NRXN3: variants seen among roughly 807,000 people sequenced by gnomAD.
NRXN3 encodes neurexin 3.
A neutral mutation model predicts 137.6 loss-of-function variants in NRXN3; 32 were observed. The observed-to-expected ratio is 0.23, with a 90% CI of 0.18 to 0.31. The LOEUF is 0.31. Among genes scored for constraint, NRXN3 ranks in the 10% least tolerant of loss-of-function variants. The probability of loss-of-function intolerance (pLI) is 1.00; values close to 1 mark genes in which losing one functional copy is unlikely to be tolerated. For missense variants in NRXN3, 1,574 were observed against 2,062.5 expected (o/e 0.76, Z 4.59); for synonymous variants, 798 against 784.5 (o/e 1.02, Z -0.29).
intron 19 of NRXN3, among the ~76,000 whole-genome samples, chr14:79,776,144 T>G (rs990191959): frequency 1.3e-5 from 2 of 152,204 alleles, no homozygotes; most frequent in Non-Finnish European, 2.9e-5. Context: ...TACAGCTTTC[T>G]CTGAGTTAAT....
At chr14:78,327,577 G>T (rs187735906) in intron 4 of NRXN3, among the ~76,000 whole-genome samples, 70 of 152,192 alleles carry the variant, frequency 4.6e-4, no homozygotes, top group Non-Finnish European at 9.0e-4. Flanking sequence ...AGGGATTTTT[G>T]TTGTTGTTTG....
chr14:78,418,061 G>T (rs371419148), intron 4 of NRXN3, among the ~76,000 whole-genome samples: 1 of 152,156 alleles, frequency 6.6e-6, no homozygotes, highest in Non-Finnish European at 1.5e-5. Flanking sequence ...CTGGCCTGAG[G>T]TTGCATATTT....
At chr14:79,605,117 G>A (rs908044208) in intron 16 of NRXN3, among the ~76,000 whole-genome samples, 12 of 152,074 alleles carry the variant, frequency 7.9e-5, no homozygotes, top group African/African-American at 1.9e-4. Context: ...ATCTTTCCTC[G>A]TGTTCATGAT....
intron 6 of NRXN3, among the ~76,000 whole-genome samples, chr14:78,668,930 ATCTG>A (rs58936637): frequency 4.8e-4 from 71 of 149,390 alleles, no homozygotes; most frequent in Non-Finnish European, 7.8e-4. Context: ...CTATCTATCT[ATCTG>A]TCTGTCTGTC....
At chr14:79,331,065 CT>C (rs1471452481) in intron 15 of NRXN3, among the ~76,000 whole-genome samples, 1 of 152,140 alleles carries the variant, frequency 6.6e-6, no homozygotes, top group Non-Finnish European at 1.5e-5. Context: ...TGACTGTTTC[CT>C]TTACAGATGC....
intron 4 of NRXN3, among the ~76,000 whole-genome samples, chr14:78,371,922 C>A (rs747110275): frequency 9.9e-5 from 15 of 152,150 alleles, no homozygotes; most frequent in Non-Finnish European, 1.9e-4. Context: ...CTAGTATTAT[C>A]CCCATTTTAC....
chr14:78,890,446 T>C (rs1240172783), intron 10 of NRXN3, among the ~76,000 whole-genome samples: 1 of 151,884 alleles, frequency 6.6e-6, no homozygotes, highest in African/African-American at 2.4e-5. Context: ...TAACATCCCA[T>C]GCAAAGGTTT....
chr14:79,541,501 C>G (rs1418257328), intron 16 of NRXN3, among the ~76,000 whole-genome samples: 1 of 152,112 alleles, frequency 6.6e-6, no homozygotes, highest in Non-Finnish European at 1.5e-5. Context: ...TGCAAAGACT[C>G]TTTTTTCAAA....
At chr14:79,131,467 G>A (rs1199646059) in intron 15 of NRXN3, among the ~76,000 whole-genome samples, 3 of 152,158 alleles carry the variant, frequency 2.0e-5, no homozygotes, top group African/African-American at 7.2e-5. Flanking sequence ...CCTGCTGGGG[G>A]GTGCCTCCCA....
chr14:78,722,420 G>T (rs2098464318), intron 8 of NRXN3, among the ~76,000 whole-genome samples: 1 of 152,214 alleles, frequency 6.6e-6, no homozygotes, highest in Non-Finnish European at 1.5e-5. Flanking sequence ...TAATTGAAAT[G>T]CTGCTAAATT....
intron 6 of NRXN3, among the ~76,000 whole-genome samples, chr14:78,653,426 G>A (rs574406789): frequency 5.0e-4 from 76 of 152,296 alleles, no homozygotes; most frequent in African/African-American, 1.7e-3. Context: ...ATGAGGCATT[G>A]GTTGCTGTGG....
At chr14:79,358,663 A>AAGAAAGAAAG (rs2093569831) in intron 15 of NRXN3, among the ~76,000 whole-genome samples, 1 of 147,558 alleles carries the variant, frequency 6.8e-6, no homozygotes, top group African/African-American at 2.5e-5. Context: ...GAAAGAAAGA[A>AAGAAAGAAAG]AGAAAGTGTC....
At chr14:78,379,002 A>G (rs952237588) in intron 4 of NRXN3, among the ~76,000 whole-genome samples, 2 of 151,070 alleles carry the variant, frequency 1.3e-5, no homozygotes, top group African/African-American at 4.9e-5. Context: ...AACCCTACAC[A>G]CAAAAGTTTG....
chr14:78,475,784 G>A (rs890687336), intron 4 of NRXN3, among the ~76,000 whole-genome samples: 4 of 152,208 alleles, frequency 2.6e-5, no homozygotes, highest in African/African-American at 9.6e-5. Flanking sequence ...AAAGCAGCAA[G>A]TTGCTTGTGC....
At chr14:79,374,753 T>A (rs2094210574) in intron 15 of NRXN3, among the ~76,000 whole-genome samples, 1 of 152,140 alleles carries the variant, frequency 6.6e-6, no homozygotes, top group South Asian at 2.1e-4. Flanking sequence ...AACCAATGTA[T>A]ACTTTTCATG....
intron 4 of NRXN3, among the ~76,000 whole-genome samples, chr14:78,481,073 G>C (rs2095465387): frequency 1.3e-5 from 2 of 152,172 alleles, no homozygotes; most frequent in Admixed American, 6.5e-5. Flanking sequence ...GGTGTAGAAA[G>C]TTAGTAAAGA....
rs915229124 is a variant in NRXN3 at position 79,867,598 on chromosome 14, C to G, written c.*5634C>G. ...TTCCTAAAGACACTACCTCCCAATA[C>G]AGTCATGTTTGGGGTTGGGACTTCA... On this transcript the variant is annotated 3_prime_UTR_variant, in exon 21 of 21. Transcript: ENST00000335750. 6.6e-6 allele frequency: 1 copy of G among 152,156 alleles called. No individual in the cohort carries two copies. The highest frequency in any genetic ancestry group is 1.5e-5 in the Non-Finnish European group (1 of 68,062). 9.4% of individuals were successfully genotyped at this position (152,156 alleles called of 1,614,324 possible). A position where few individuals can be genotyped will look rare whatever the true frequency, so the allele number is the denominator to read the frequency against.
chr14:78,826,132 G>A (rs907388966), intron 10 of NRXN3, among the ~76,000 whole-genome samples: 1 of 152,166 alleles, frequency 6.6e-6, no homozygotes, highest in South Asian at 2.1e-4. Context: ...ATGATATGGA[G>A]GATACAGGAC....
intron 1 of NRXN3, among the ~76,000 whole-genome samples, chr14:78,173,299 G>A (rs1415806988): frequency 1.3e-5 from 2 of 151,402 alleles, no homozygotes; most frequent in African/African-American, 2.4e-5. Flanking sequence ...GCCTTTTAGA[G>A]AAAAAAAAGA....
Sources: gnomAD v4.1 joint callset for allele counts (sites outside exome capture counted in the v4.1 genomes callset) on GRCh38, gnomAD v4.1.1 for gene constraint, MANE v1.5 for transcripts, NCBI Gene and HGNC (gene_info 2026-07-23, HGNC 2026-07-21) for gene names.